Variants in PRLR observed in about 807,000 individuals in gnomAD.
PRLR encodes the protein prolactin receptor, also known as hPRL receptor.
In PRLR, 13 loss-of-function variants were observed where a neutral mutation model predicts 40.2. The observed-to-expected ratio is 0.32, with a 90% CI of 0.21 to 0.51. The LOEUF (loss-of-function observed/expected upper bound fraction) is 0.51, where lower values mean the gene tolerates loss of function less well. Among genes scored for constraint, PRLR ranks in the 20% least tolerant of loss-of-function variants. PRLR has a pLI of 0.97. For missense variants in PRLR, 656 were observed against 747.3 expected (o/e 0.88, Z 1.42); for synonymous variants, 269 against 278.7 (o/e 0.97, Z 0.35).
intron 5 of PRLR, among the ~76,000 whole-genome samples, chr5:35,075,377 A>G (rs1770012143): frequency 6.6e-6 from 1 of 152,220 alleles, no homozygotes; most frequent in African/African-American, 2.4e-5. Context: ...CAAATGGCAT[A>G]CCAGGAGATT....
At chr5:35,069,704 A>G (rs1374978019) in intron 7 of PRLR, among the ~76,000 whole-genome samples, 2 of 152,230 alleles carry the variant, frequency 1.3e-5, no homozygotes, top group Non-Finnish European at 2.9e-5. Context: ...GGAGCTGTCT[A>G]TCTTATATCC....
At chr5:35,106,077 T>C (rs1772227952) in intron 2 of PRLR, among the ~76,000 whole-genome samples, 1 of 152,206 alleles carries the variant, frequency 6.6e-6, no homozygotes, top group Non-Finnish European at 1.5e-5. Flanking sequence ...ATATTCAACA[T>C]TCTTAAAGAA....
chr5:35,080,365 C>G (rs982383153), intron 5 of PRLR, among the ~76,000 whole-genome samples: 6 of 152,114 alleles, frequency 3.9e-5, no homozygotes, highest in Non-Finnish European at 8.8e-5. Flanking sequence ...ACAACCCCAT[C>G]AAAAAGTTGG....
At chr5:35,070,058 T>C in intron 7 of PRLR, 66 bp downstream of exon 7, 2 of 1,531,028 alleles carry the variant, frequency 1.3e-6, no homozygotes, top group Admixed American at 2.2e-5. Context: ...TTAGTAGTTA[T>C]TATATGCAAA....
chr5:35,175,947 C>T (rs1188047884), intron 1 of PRLR, among the ~76,000 whole-genome samples: 1 of 152,246 alleles, frequency 6.6e-6, no homozygotes, highest in African/African-American at 2.4e-5. Context: ...CTATTGTTAA[C>T]ATTTGGTGGT....
chr5:35,097,860 C>T (rs1208842513), intron 2 of PRLR, among the ~76,000 whole-genome samples: 1 of 152,064 alleles, frequency 6.6e-6, no homozygotes, highest in African/African-American at 2.4e-5. Flanking sequence ...TTTTAACAAG[C>T]ACTTAGATGA....
At chr5:35,090,081 GA>G (rs1771106910) in intron 2 of PRLR, among the ~76,000 whole-genome samples, 1 of 152,188 alleles carries the variant, frequency 6.6e-6, no homozygotes, top group South Asian at 2.1e-4. Flanking sequence ...TGTCCAGGCT[GA>G]AAAGTCAGTA....
chr5:35,087,923 G>T (rs1458934328), intron 3 of PRLR, among the ~76,000 whole-genome samples: 2 of 152,194 alleles, frequency 1.3e-5, no homozygotes, highest in African/African-American at 4.8e-5. Context: ...GATATCAGGA[G>T]CAGAGAGGAG....
intron 2 of PRLR, among the ~76,000 whole-genome samples, chr5:35,091,320 T>C (rs2112480299): frequency 6.6e-6 from 1 of 152,294 alleles, no homozygotes; most frequent in African/African-American, 2.4e-5. Context: ...ATCAAGTGGT[T>C]AAAGACTCCT....
chr5:35,052,669 T>C (rs11742793), downstream of PRLR, among the ~76,000 whole-genome samples: 6,677 of 152,278 alleles, frequency 0.044, 211 homozygotes, highest in South Asian at 0.13. Flanking sequence ...GTGTAAAAAC[T>C]GACTGTAGAT....
At chr5:35,186,038 C>A (rs139918956) in intron 1 of PRLR, among the ~76,000 whole-genome samples, 1 of 152,112 alleles carries the variant, frequency 6.6e-6, no homozygotes, top group South Asian at 2.1e-4. Context: ...GATCTACAGC[C>A]TTTAAGTGCA....
At chr5:35,131,542 C>T (rs917046218) in intron 1 of PRLR, among the ~76,000 whole-genome samples, 1 of 152,180 alleles carries the variant, frequency 6.6e-6, no homozygotes, top group Non-Finnish European at 1.5e-5. Flanking sequence ...CCCCTAGCAA[C>T]CTCAGCCTGG....
At chr5:35,096,908 C>T (rs924829879) in intron 2 of PRLR, among the ~76,000 whole-genome samples, 1 of 152,230 alleles carries the variant, frequency 6.6e-6, no homozygotes, top group African/African-American at 2.4e-5. Context: ...GCGTGAGCCA[C>T]TGTGCCCGGC....
intron 1 of PRLR, among the ~76,000 whole-genome samples, chr5:35,208,953 C>T (rs999223282): frequency 1.3e-5 from 2 of 152,064 alleles, no homozygotes; most frequent in Non-Finnish European, 2.9e-5. Context: ...AAAATCAGTA[C>T]ATCCATATGA....
intron 1 of PRLR, among the ~76,000 whole-genome samples, chr5:35,191,442 G>C (rs1775605430): frequency 6.6e-6 from 1 of 152,154 alleles, no homozygotes; most frequent in African/African-American, 2.4e-5. Context: ...GAGGTGGCCA[G>C]GTGTGCAGGG....
intron 5 of PRLR, among the ~76,000 whole-genome samples, chr5:35,079,008 G>C (rs925283439): frequency 2.6e-5 from 4 of 151,888 alleles, no homozygotes; most frequent in African/African-American, 7.3e-5. Flanking sequence ...AAATTCAACA[G>C]CCTTCATGCT....
At chr5:35,186,460 TAG>T (rs1775435812) in intron 1 of PRLR, among the ~76,000 whole-genome samples, 1 of 152,182 alleles carries the variant, frequency 6.6e-6, no homozygotes, top group African/African-American at 2.4e-5. Context: ...CAACTTATTC[TAG>T]ATTCACCCTG....
At chr5:35,079,436 A>G (rs1180642133) in intron 5 of PRLR, among the ~76,000 whole-genome samples, 1 of 152,220 alleles carries the variant, frequency 6.6e-6, no homozygotes, top group South Asian at 2.1e-4. Context: ...GAGCCAAATC[A>G]TGAGTGAACT....
intron 1 of PRLR, among the ~76,000 whole-genome samples, chr5:35,227,728 A>G (rs1330940668): frequency 6.6e-6 from 1 of 152,204 alleles, no homozygotes; most frequent in Non-Finnish European, 1.5e-5. Flanking sequence ...GAGAGAGAGT[A>G]CATGCTGAGT....
Sources: allele counts gnomAD v4.1 joint callset (sites outside exome capture counted in the v4.1 genomes callset), GRCh38; gene constraint gnomAD v4.1.1; transcripts MANE v1.5; gene names NCBI Gene and HGNC (gene_info 2026-07-23, HGNC 2026-07-21).